Variants in TTC27 observed in about 807,000 individuals in gnomAD.
The protein encoded by TTC27 is tetratricopeptide repeat domain 27.
A neutral mutation model predicts 115.9 loss-of-function variants in TTC27; 79 were observed. The ratio of observed to expected loss-of-function variants is 0.68; its 90% CI spans 0.57 to 0.82. The LOEUF (loss-of-function observed/expected upper bound fraction) is 0.82, where lower values mean the gene tolerates loss of function less well. Ranked by LOEUF, TTC27 falls within the 40% of genes least tolerant of loss-of-function variation. The probability of loss-of-function intolerance (pLI) is 0.00; values close to 1 mark genes in which losing one functional copy is unlikely to be tolerated. For synonymous variants in TTC27, 401 were observed against 356.0 expected, an observed-to-expected ratio of 1.13 and a Z score of -1.42; for missense variants, 1,054 against 993.1, an observed-to-expected ratio of 1.06 and a Z score of -0.82.
At chr2:32,807,300 A>G (rs926471301) in intron 16 of TTC27, among the ~76,000 whole-genome samples, 1 of 152,144 alleles carries the variant, frequency 6.6e-6, no homozygotes, top group African/African-American at 2.4e-5. Context: ...AAAGTATACC[A>G]ATTTCCTTCT....
At position 32,780,850 on chromosome 2, in the gene TTC27, G is replaced by GTTT. The variant is rs141309612; in HGVS notation, c.1780-1764_1780-1762dup. On this transcript the variant is annotated intron_variant, in intron 14 of 19. Coordinates refer to ENST00000317907, the MANE Select transcript of TTC27 (RefSeq NM_017735.5). ...AGCTCATTTATTACTTCTAGTAGGT[G>GTTT]TTTTTTTTTTTTTTGTGGACTCCTT... Among the ~76,000 whole-genome samples the GTTT allele has an allele frequency of 7.7e-4, 110 of 143,228 alleles. 1 individual carries two copies. Among genetic ancestry groups the GTTT allele is most frequent in the African/African-American group, 1.2e-3 (48 of 39,172 alleles). The allele number at this position is 143,228 out of a possible 152,430, so 94.0% of individuals were successfully genotyped here.
At chr2:32,782,459 AG>A (rs1474951568) in intron 14 of TTC27, among the ~76,000 whole-genome samples, 166 bp from the exon 15 acceptor site, 2 of 152,186 alleles carry the variant, frequency 1.3e-5, no homozygotes, top group African/African-American at 4.8e-5. Flanking sequence ...AAATTATAAA[AG>A]TTCAGTTTGA....
chr2:32,661,126 A>G (rs182446313), intron 5 of TTC27, among the ~76,000 whole-genome samples: 3 of 152,168 alleles, frequency 2.0e-5, no homozygotes, highest in East Asian at 3.8e-4. Flanking sequence ...TCATTGGTCT[A>G]TATATCTGTT....
intron 12 of TTC27, among the ~76,000 whole-genome samples, 163 bp from the exon 13 acceptor site, chr2:32,758,129 A>G (rs528938480): frequency 1.3e-5 from 2 of 152,296 alleles, no homozygotes; most frequent in South Asian, 4.1e-4. Flanking sequence ...TTTATTTTGT[A>G]TCGGTCCTCT....
At chr2:32,662,112 G>C (rs1198603167) in intron 5 of TTC27, among the ~76,000 whole-genome samples, 1 of 152,182 alleles carries the variant, frequency 6.6e-6, no homozygotes, top group Non-Finnish European at 1.5e-5. Flanking sequence ...TCCTGGGGAT[G>C]AAGCCAACTT....
At chr2:32,698,398 C>T (rs1667065465) in intron 9 of TTC27, among the ~76,000 whole-genome samples, 1 of 150,790 alleles carries the variant, frequency 6.6e-6, no homozygotes, top group Non-Finnish European at 1.5e-5. Flanking sequence ...TCCCGAAGTG[C>T]TGGGATTACA....
intron 16 of TTC27, among the ~76,000 whole-genome samples, chr2:32,804,383 C>A (rs933702646): frequency 6.6e-6 from 1 of 152,124 alleles, no homozygotes; most frequent in Non-Finnish European, 1.5e-5. Flanking sequence ...ATAAAAAAGT[C>A]TTTAGGCACA....
chr2:32,805,482 C>G (rs1671097152), intron 16 of TTC27, among the ~76,000 whole-genome samples: 1 of 152,098 alleles, frequency 6.6e-6, no homozygotes, highest in Admixed American at 6.5e-5. Flanking sequence ...AATAAAGTAC[C>G]TGCTTCCTAG....
chr2:32,659,879 T>C (rs1285526026), intron 5 of TTC27, among the ~76,000 whole-genome samples: 1 of 152,166 alleles, frequency 6.6e-6, no homozygotes, highest in African/African-American at 2.4e-5. Context: ...TATTCCATGG[T>C]GTATATGTGC....
chr2:32,819,918 A>C (rs550422301), intron 19 of TTC27, among the ~76,000 whole-genome samples: 3 of 152,324 alleles, frequency 2.0e-5, no homozygotes, highest in South Asian at 2.1e-4. Context: ...ATTTGCAAGC[A>C]CTGTAATTCT....
chr2:32,687,282 ATAT>A (rs1168143993), intron 9 of TTC27, among the ~76,000 whole-genome samples: 6 of 152,258 alleles, frequency 3.9e-5, no homozygotes, highest in Non-Finnish European at 8.8e-5. Flanking sequence ...AAAATTAAAG[ATAT>A]TATTATTCTA....
intron 9 of TTC27, among the ~76,000 whole-genome samples, chr2:32,697,668 A>G (rs553723878): frequency 6.6e-6 from 1 of 152,330 alleles, no homozygotes; most frequent in African/African-American, 2.4e-5. Context: ...AGACATCTTT[A>G]GTCACACAGA....
At position 32,628,256 on chromosome 2, in the gene TTC27, G is replaced by T. The variant is rs755996712; in HGVS notation, c.-37G>T. The stretch of plus-strand genomic sequence containing the variant: ...TTTTGTTGACTCCCGTGTGGCCCTC[G>T]TGGGAGCCTGTTTTGGCTGCAGCGG... On this transcript the variant is annotated 5_prime_UTR_variant, in exon 1 of 20. Coordinates refer to ENST00000317907, the MANE Select transcript of TTC27 (RefSeq NM_017735.5). The T allele has an allele frequency of 1.3e-6, 2 of 1,583,238 alleles. No homozygotes were observed. Among genetic ancestry groups the T allele is most frequent in the East Asian group, 2.3e-5 (1 of 43,934 alleles).
At chr2:32,700,801 A>G (rs1043360259) in intron 9 of TTC27, among the ~76,000 whole-genome samples, 1 of 152,182 alleles carries the variant, frequency 6.6e-6, no homozygotes, top group East Asian at 1.9e-4. Context: ...CAGCCTCCCA[A>G]AGTGCTGGGA....
intron 15 of TTC27, among the ~76,000 whole-genome samples, chr2:32,782,927 A>G (rs1670230726): frequency 6.6e-6 from 1 of 152,204 alleles, no homozygotes. Context: ...TTTATTTATT[A>G]CTGAAGTTTT....
chr2:32,804,390 C>G (rs1352048195), intron 16 of TTC27, among the ~76,000 whole-genome samples: 1 of 152,160 alleles, frequency 6.6e-6, no homozygotes, highest in East Asian at 1.9e-4. Flanking sequence ...AGTCTTTAGG[C>G]ACAAAGATAT....
Position 32,672,288 on chromosome 2 carries a change from A to C in TTC27, c.956A>C (p.Asp319Ala), listed in dbSNP as rs771640567. Reference protein sequence around the residue: ...EHLTKNLELNDDTILNDIKLA... With the variant: ...EHLTKNLELNADTILNDIKLA... ...TTCTACTAGAATCTTGAGCTCAATG[A>C]TGACACCATTCTGAATGACATAAAG... Residue 319 changes from aspartate to alanine, a missense_variant, in exon 8 of 20, where the codon GAT becomes GCT. Transcript: ENST00000317907. The C allele has an allele frequency of 6.2e-7, 1 of 1,613,560 alleles. No homozygotes were observed. Among genetic ancestry groups the C allele is most frequent in the Admixed American group, 1.7e-5 (1 of 59,970 alleles).
At chr2:32,763,046 G>C (rs150208656) in intron 13 of TTC27, among the ~76,000 whole-genome samples, 197 of 152,292 alleles carry the variant, frequency 1.3e-3, no homozygotes, top group African/African-American at 4.5e-3. Context: ...GGGCTTGCTG[G>C]TCTCATTATA....
At chr2:32,630,877 G>T (rs6755861) in intron 2 of TTC27, among the ~76,000 whole-genome samples, 177 bp downstream of exon 2, 3,984 of 152,290 alleles carry the variant, frequency 0.026, 109 homozygotes, top group African/African-American at 0.072. Context: ...CCAGAATGAA[G>T]AAGTAAAGTG....
Sources: gnomAD v4.1 joint callset for allele counts (sites outside exome capture counted in the v4.1 genomes callset) on GRCh38, gnomAD v4.1.1 for gene constraint, MANE v1.5 for transcripts, NCBI Gene and HGNC (gene_info 2026-07-23, HGNC 2026-07-21) for gene names.